The following KATNIP variants were observed in gnomAD, a reference collection of about 807,000 sequenced individuals.
KATNIP encodes katanin interacting protein.
A neutral mutation model predicts 174.0 loss-of-function variants in KATNIP; 126 were observed. That is an observed-to-expected ratio of 0.72 (90% CI 0.63 to 0.84). The LOEUF is 0.84. Ranked by LOEUF, KATNIP falls within the 40% of genes least tolerant of loss-of-function variation. The probability of loss-of-function intolerance (pLI) is 0.00; values close to 1 mark genes in which losing one functional copy is unlikely to be tolerated. For synonymous variants in KATNIP, 810 were observed against 835.7 expected (o/e 0.97, Z 0.53); for missense variants, 1,958 against 2,109.7 (o/e 0.93, Z 1.41).
chr16:27,571,991 T>G (rs2090319030), intron 1 of KATNIP, among the ~76,000 whole-genome samples: 3 of 152,152 alleles, frequency 2.0e-5, no homozygotes, highest in South Asian at 2.1e-4. Flanking sequence ...CCTGGGGGTG[T>G]GTGTGTGTGT....
intron 2 of KATNIP, among the ~76,000 whole-genome samples, chr16:27,578,619 C>T (rs2090585153): frequency 6.6e-6 from 1 of 152,054 alleles, no homozygotes. Flanking sequence ...ACTCTGTCAC[C>T]CAGGTTGGAG....
At chr16:27,577,779 G>A (rs1007399699) in intron 2 of KATNIP, among the ~76,000 whole-genome samples, 1 of 152,160 alleles carries the variant, frequency 6.6e-6, no homozygotes, top group African/African-American at 2.4e-5. Context: ...AGGCTGAGGC[G>A]GGAGTATCGC....
chr16:27,621,608 G>A lies in KATNIP; in HGVS notation c.140+3107G>A, dbSNP rs549833051. ...TTTGCATTACTATAAAGTAACAGCT[G>A]AGACTGGGTAATTTATAAAGAGAAA... is the stretch of plus-strand genomic sequence containing the variant. On this transcript the variant is annotated intron_variant, in intron 3 of 27. Coordinates refer to ENST00000261588, the MANE Select transcript of KATNIP (RefSeq NM_015202.5). 3.3e-5 allele frequency among the ~76,000 whole-genome samples: 5 copies of A among 152,152 alleles called. No homozygotes were observed. The East Asian group carries it at 9.7e-4, about 30-fold the overall frequency.
chr16:27,762,749 T>C (rs1008426614), intron 19 of KATNIP, among the ~76,000 whole-genome samples: 1 of 152,216 alleles, frequency 6.6e-6, no homozygotes, highest in Admixed American at 6.5e-5. Context: ...TATCATTAAC[T>C]GCTCATGGGC....
intron 5 of KATNIP, among the ~76,000 whole-genome samples, chr16:27,643,581 ACT>A (rs1380047235): frequency 1.0e-5 from 1 of 96,930 alleles, no homozygotes; most frequent in East Asian, 3.6e-4. Context: ...ACAGAGTGAG[ACT>A]CTGTCTCAAA....
chr16:27,660,286 C>T (rs1292874998), intron 6 of KATNIP, among the ~76,000 whole-genome samples: 2 of 152,186 alleles, frequency 1.3e-5, no homozygotes, highest in East Asian at 1.9e-4. Context: ...CAGTGGCTCA[C>T]GCCTGTTATC....
chr16:27,660,140 G>A (rs2077423238), intron 6 of KATNIP: 1 of 301,436 alleles, frequency 3.3e-6, no homozygotes, highest in African/African-American at 2.3e-5. Flanking sequence ...TACTCCTCTG[G>A]GGCCCCCATT....
At chr16:27,773,062 A>G in intron 22 of KATNIP, 37 bp from the exon 23 acceptor site, 1 of 1,281,568 alleles carries the variant, frequency 7.8e-7, no homozygotes, top group Non-Finnish European at 1.1e-6. Flanking sequence ...CTGAAAAAAA[A>G]AAATTAAGCC....
intron 2 of KATNIP, among the ~76,000 whole-genome samples, chr16:27,615,538 T>TA (rs1322488823): frequency 1.3e-5 from 2 of 152,066 alleles, no homozygotes; most frequent in Non-Finnish European, 1.5e-5. Flanking sequence ...GTATTTTTAG[T>TA]AGAGACGGGG....
intron 6 of KATNIP, among the ~76,000 whole-genome samples, chr16:27,657,592 A>AAAAAC (rs563570772): frequency 4.6e-5 from 7 of 152,058 alleles, no homozygotes; most frequent in Admixed American, 2.6e-4. Context: ...TTAAAAAACA[A>AAAAAC]AAAACAAAAC....
At chr16:27,567,317 T>A (rs1240807288) in intron 1 of KATNIP, among the ~76,000 whole-genome samples, 1 of 152,150 alleles carries the variant, frequency 6.6e-6, no homozygotes, top group Non-Finnish European at 1.5e-5. Flanking sequence ...AGGAAATAGA[T>A]CCAAATAGAT....
At chr16:27,705,962 G>A (rs2142997406) in intron 12 of KATNIP, among the ~76,000 whole-genome samples, 1 of 152,290 alleles carries the variant, frequency 6.6e-6, no homozygotes, top group East Asian at 1.9e-4. Context: ...ACAGCTGTGA[G>A]TCACCACACC....
At chr16:27,664,334 T>C (rs182595901) in intron 6 of KATNIP, among the ~76,000 whole-genome samples, 232 of 152,350 alleles carry the variant, frequency 1.5e-3, no homozygotes, top group African/African-American at 5.2e-3. Flanking sequence ...TTCTATGATA[T>C]TTCAAAAGAA....
At chr16:27,643,921 T>C (rs1180033022) in intron 5 of KATNIP, among the ~76,000 whole-genome samples, 1 of 152,034 alleles carries the variant, frequency 6.6e-6, no homozygotes, top group Non-Finnish European at 1.5e-5. Context: ...CCTTTTTCTT[T>C]TTTATTTATT....
At chr16:27,660,473 C>G (rs995977983) in intron 6 of KATNIP, among the ~76,000 whole-genome samples, 1 of 152,022 alleles carries the variant, frequency 6.6e-6, no homozygotes, top group Non-Finnish European at 1.5e-5. Flanking sequence ...CACTTGAACC[C>G]GGGAGGTGGA....
intron 14 of KATNIP, among the ~76,000 whole-genome samples, chr16:27,724,522 A>C (rs1459415584): frequency 1.3e-5 from 2 of 152,174 alleles, no homozygotes; most frequent in Non-Finnish European, 1.5e-5. Flanking sequence ...GTCCCTCAGG[A>C]GCATGGGGTG....
At chr16:27,720,973 G>C (rs927051166) in intron 13 of KATNIP, among the ~76,000 whole-genome samples, 2 of 152,168 alleles carry the variant, frequency 1.3e-5, no homozygotes, top group Non-Finnish European at 2.9e-5. Flanking sequence ...AGGCGTCTCT[G>C]TTCACCTGCC....
chr16:27,772,197 A>G (rs1278283681), intron 22 of KATNIP, among the ~76,000 whole-genome samples: 1 of 152,178 alleles, frequency 6.6e-6, no homozygotes, highest in Non-Finnish European at 1.5e-5. Context: ...TTTTGAGCCC[A>G]GGAGTTCGAG....
At chr16:27,620,502 C>T (rs924026500) in intron 3 of KATNIP, among the ~76,000 whole-genome samples, 3 of 152,160 alleles carry the variant, frequency 2.0e-5, no homozygotes, top group South Asian at 2.1e-4. Context: ...GTGGTGGAGC[C>T]GGGCTGGACT....
Sources: gnomAD v4.1 joint callset for allele counts (sites outside exome capture counted in the v4.1 genomes callset) on GRCh38, gnomAD v4.1.1 for gene constraint, MANE v1.5 for transcripts, NCBI Gene and HGNC (gene_info 2026-07-23, HGNC 2026-07-21) for gene names.